Variants in OPCML observed in about 807,000 individuals in gnomAD.
OPCML encodes opioid binding protein/cell adhesion molecule like, also known as opioid-binding protein/cell adhesion molecule.
OPCML carries 13 observed loss-of-function variants against 37.8 expected under a neutral mutation model. That is an observed-to-expected ratio of 0.34 (90% CI 0.22 to 0.55). The LOEUF is 0.55. OPCML is among the 20% of genes least tolerant of loss of function. The pLI is 0.91. For missense variants in OPCML, 341 were observed against 435.6 expected (o/e 0.78, Z 1.93); for synonymous variants, 176 against 168.8 (o/e 1.04, Z -0.33).
intron 1 of OPCML, chr11:133,025,511 T>C (rs946485746): frequency 1.0e-6 from 1 of 980,970 alleles, no homozygotes; most frequent in Non-Finnish European, 1.2e-6. Flanking sequence ...TCAGGAACAC[T>C]GGATTCTTCG....
intron 1 of OPCML, among the ~76,000 whole-genome samples, chr11:133,369,996 C>T (rs1040127113): frequency 3.3e-5 from 5 of 152,198 alleles, no homozygotes; most frequent in Non-Finnish European, 5.9e-5. Flanking sequence ...ATACCTTTTA[C>T]GCATAGCCTG....
At chr11:133,154,029 A>G (rs1203424377) in intron 1 of OPCML, among the ~76,000 whole-genome samples, 2 of 151,898 alleles carry the variant, frequency 1.3e-5, no homozygotes, top group African/African-American at 2.4e-5. Context: ...ACGAAGGCAG[A>G]TCAGGGCCCA....
Position 132,943,054 on chromosome 11 carries a change from G to A in OPCML, c.62-44C>T, listed in dbSNP as rs367865162. 2 of 1,614,176 alleles carry A rather than the reference G, an allele frequency of 1.2e-6. No homozygotes were observed. The highest frequency in any genetic ancestry group is 1.7e-6 in the Non-Finnish European group (2 of 1,180,016). The stretch of plus-strand genomic sequence containing the variant: ...GCAGCCTGAGAGACACGACCACGAG[G>A]CACTTCCAGGGCAGGAACAGGTACC... On this transcript the variant is annotated intron_variant, in intron 1 of 7. Coordinates refer to ENST00000524381, the MANE Select transcript of OPCML (RefSeq NM_001012393.5). The surrounding 1 kb of genome is among the most constrained non-coding windows in gnomAD (Gnocchi z 4.3).
intron 2 of OPCML, among the ~76,000 whole-genome samples, chr11:132,893,798 CCA>C: frequency 6.6e-6 from 1 of 152,324 alleles, no homozygotes; most frequent in Non-Finnish European, 1.5e-5. Flanking sequence ...TCATATTAAA[CCA>C]CAGTTTCCAA....
At chr11:133,256,013 T>G (rs1941301123) in intron 1 of OPCML, among the ~76,000 whole-genome samples, 1 of 152,234 alleles carries the variant, frequency 6.6e-6, no homozygotes, top group Non-Finnish European at 1.5e-5. Flanking sequence ...ACCTACTATT[T>G]CGTTCACTAT....
chr11:133,172,652 G>A (rs1037548702), intron 1 of OPCML, among the ~76,000 whole-genome samples: 1 of 152,094 alleles, frequency 6.6e-6, no homozygotes, highest in Non-Finnish European at 1.5e-5. Context: ...ATTTGTATCC[G>A]ACAAGCAGCA....
chr11:133,251,597 G>C (rs1031711761), intron 1 of OPCML, among the ~76,000 whole-genome samples: 30 of 151,888 alleles, frequency 2.0e-4, no homozygotes, highest in Non-Finnish European at 2.9e-5. Flanking sequence ...AGGGGACACG[G>C]GGTACAGACC....
At chr11:133,217,098 A>G (rs1051225173) in intron 1 of OPCML, among the ~76,000 whole-genome samples, 1 of 130,828 alleles carries the variant, frequency 7.6e-6, no homozygotes, top group African/African-American at 2.6e-5. Context: ...CCCTCTTGGG[A>G]AGAACTCAGC....
intron 4 of OPCML, among the ~76,000 whole-genome samples, chr11:132,454,650 T>A (rs2096076948): frequency 6.6e-6 from 1 of 152,144 alleles, no homozygotes; most frequent in Non-Finnish European, 1.5e-5. Flanking sequence ...TTGAATAGGG[T>A]TTGTGGCTTT....
chr11:133,294,893 G>A (rs140917917), intron 1 of OPCML, among the ~76,000 whole-genome samples: 8,808 of 137,646 alleles, frequency 0.064, 309 homozygotes, highest in African/African-American at 0.081. Context: ...GTGCAGTCTC[G>A]GCCCACTGCA....
In OPCML at chr11:132,582,104, TTGTGTGTGTGTG is replaced by T. The variant is rs145244488; in HGVS notation, c.380-52930_380-52919del. 1.7e-3 allele frequency among the ~76,000 whole-genome samples: 240 copies of T among 140,500 alleles called. 1 individual carries two copies. Among genetic ancestry groups the T allele is most frequent in the East Asian group, 6.8e-3 (32 of 4,672 alleles). 92.2% of individuals were successfully genotyped at this position (140,500 alleles called of 152,430 possible). ...GATGGGACAACTATTCACACATACT[TTGTGTGTGTGTG>T]TGTGTGTGTGTGTGTGTGTGTGTGT... On this transcript the variant is annotated intron_variant, in intron 3 of 7. Transcript: ENST00000524381.
chr11:132,437,156 C>T (rs2096015773), intron 5 of OPCML, 66 bp downstream of exon 5: 2 of 1,582,118 alleles, frequency 1.3e-6, no homozygotes, highest in African/African-American at 1.4e-5. Context: ...ACTGCCATTA[C>T]CAGATTGTCC....
At chr11:133,008,975 G>A (rs953726043) in intron 1 of OPCML, 56 of 985,304 alleles carry the variant, frequency 5.7e-5, no homozygotes, top group Middle Eastern at 5.2e-4. Flanking sequence ...GAGGAGATTA[G>A]CATGGACATG....
chr11:133,308,261 C>G (rs1942976414), intron 1 of OPCML, among the ~76,000 whole-genome samples: 1 of 151,960 alleles, frequency 6.6e-6, no homozygotes, highest in South Asian at 2.1e-4. Flanking sequence ...ACCATAGACT[C>G]TTAGAGGAAG....
Position 133,196,103 on chromosome 11 carries a change from T to C in OPCML, c.62-253093A>G, listed in dbSNP as rs1014816015. On this transcript the variant is annotated intron_variant, in intron 1 of 7. Coordinates refer to ENST00000524381, the MANE Select transcript of OPCML (RefSeq NM_001012393.5). ...AGTATACACCTGTGTCTTAGCAAAT[T>C]GAAGAAGGAACTAAATAGGATCAGT... Among the ~76,000 whole-genome samples, 129 of 152,302 alleles carry C rather than the reference T, an allele frequency of 8.5e-4. 1 individual carries two copies. Among genetic ancestry groups the C allele is most frequent in the Non-Finnish European group, 5.9e-5 (4 of 68,008 alleles).
intron 2 of OPCML, among the ~76,000 whole-genome samples, chr11:132,739,511 TA>T: frequency 6.6e-6 from 1 of 152,296 alleles, no homozygotes; most frequent in Middle Eastern, 3.4e-3. Context: ...ATCAACCAGC[TA>T]TAGCCAAGAA....
chr11:132,563,728 A>G (rs2096415768), intron 3 of OPCML, among the ~76,000 whole-genome samples: 1 of 152,074 alleles, frequency 6.6e-6, no homozygotes, highest in African/African-American at 2.4e-5. Context: ...TGCAGAAGCC[A>G]TTTTTACAAG....
intron 2 of OPCML, among the ~76,000 whole-genome samples, chr11:132,775,556 T>C (rs1946780422): frequency 6.6e-6 from 1 of 152,184 alleles, no homozygotes; most frequent in Non-Finnish European, 1.5e-5. Context: ...CACTCTGAGA[T>C]AACCTTACCC....
chr11:133,399,678 T>G (rs1361463359), intron 1 of OPCML, among the ~76,000 whole-genome samples: 1 of 152,044 alleles, frequency 6.6e-6, no homozygotes, highest in South Asian at 2.1e-4. Flanking sequence ...ATTAGTCCTA[T>G]TCTCCCTACA....
Sources: allele counts gnomAD v4.1 joint callset (sites outside exome capture counted in the v4.1 genomes callset), GRCh38; gene constraint gnomAD v4.1.1; non-coding constraint Gnocchi (gnomAD v3.1); transcripts MANE v1.5; gene names NCBI Gene and HGNC (gene_info 2026-07-23, HGNC 2026-07-21).